The following RAP1GAP2 variants were observed in gnomAD, a reference collection of about 807,000 sequenced individuals.
RAP1GAP2 encodes the protein rap1 GTPase-activating protein 2.
In RAP1GAP2, 27 loss-of-function variants were observed where a neutral mutation model predicts 95.0. The observed-to-expected ratio is 0.28, with a 90% CI of 0.21 to 0.39. The LOEUF is 0.39. Among genes scored for constraint, RAP1GAP2 ranks in the 10% least tolerant of loss-of-function variants. The pLI, the probability that RAP1GAP2 is intolerant of heterozygous loss-of-function variation, is 1.00. For missense variants in RAP1GAP2, 771 were observed against 970.0 expected, an observed-to-expected ratio of 0.79 and a Z score of 2.72; for synonymous variants, 373 against 380.9, an observed-to-expected ratio of 0.98 and a Z score of 0.24.
intron 3 of RAP1GAP2, among the ~76,000 whole-genome samples, chr17:2,922,834 T>G (rs866686199): frequency 0.054 from 7,265 of 135,230 alleles, 604 homozygotes; most frequent in African/African-American, 0.2. Context: ...TTGTTTTTGT[T>G]TTTTTTTTTT....
chr17:2,894,028 CA>C (rs1597537925), intron 2 of RAP1GAP2, among the ~76,000 whole-genome samples: 1 of 152,320 alleles, frequency 6.6e-6, no homozygotes, highest in East Asian at 1.9e-4. Context: ...GTGATCCCAG[CA>C]CTTTGGGAGG....
At chr17:2,989,436 G>A (rs11868142) in intron 11 of RAP1GAP2, among the ~76,000 whole-genome samples, 16,656 of 151,958 alleles carry the variant, frequency 0.11, 1,255 homozygotes, top group Non-Finnish European at 0.17. Context: ...GGGTTCCAGC[G>A]ATTCTCCCAC....
At chr17:2,988,711 G>C (rs1341152100) in intron 11 of RAP1GAP2, among the ~76,000 whole-genome samples, 3 of 152,150 alleles carry the variant, frequency 2.0e-5, no homozygotes, top group Non-Finnish European at 4.4e-5. Context: ...ATTTCTCTGG[G>C]ATACATGCTT....
chr17:2,882,933 T>G (rs936651665), intron 2 of RAP1GAP2, among the ~76,000 whole-genome samples: 1 of 152,222 alleles, frequency 6.6e-6, no homozygotes, highest in African/African-American at 2.4e-5. Flanking sequence ...GGAATGAATG[T>G]CAGATCCCCA....
At chr17:2,854,153 A>G (rs770900664) in intron 2 of RAP1GAP2, 25 of 984,966 alleles carry the variant, frequency 2.5e-5, no homozygotes, top group Non-Finnish European at 2.9e-5. Flanking sequence ...GCTGCATGCC[A>G]GTTTTCTTTG....
chr17:2,868,509 AG>A (rs2072709752), intron 2 of RAP1GAP2, among the ~76,000 whole-genome samples: 1 of 140,406 alleles, frequency 7.1e-6, no homozygotes, highest in South Asian at 2.2e-4. Context: ...TTCCTCTACC[AG>A]GTGCAATTTT....
At chr17:2,766,656 C>T (rs1017496898) in intron 1 of RAP1GAP2, among the ~76,000 whole-genome samples, 12 of 151,964 alleles carry the variant, frequency 7.9e-5, no homozygotes, top group African/African-American at 2.2e-4. Flanking sequence ...TGTCTGTATA[C>T]GAAGATGCAT....
rs1242735434 is a variant in RAP1GAP2 at position 3,008,524 on chromosome 17, A to T, written c.1494+379A>T. Among the ~76,000 whole-genome samples, 2 of 152,136 alleles carry T rather than the reference A, an allele frequency of 1.3e-5. No homozygotes were observed. The highest frequency in any genetic ancestry group is 2.9e-5 in the Non-Finnish European group (2 of 68,020). ...CCAGGGCAGAATGGCAGGAGCGAGG[A>T]CCACAGCCCTTACGGGTCTTCGTAG... On this transcript the variant is annotated intron_variant, in intron 17 of 24. Coordinates refer to ENST00000254695, the MANE Select transcript of RAP1GAP2 (RefSeq NM_015085.5). The surrounding 1 kb of genome is among the most constrained non-coding windows in gnomAD (Gnocchi z 4.2).
At chr17:2,947,490 C>T (rs922983156) in intron 3 of RAP1GAP2, among the ~76,000 whole-genome samples, 10 of 152,338 alleles carry the variant, frequency 6.6e-5, no homozygotes, top group African/African-American at 2.4e-4. Flanking sequence ...GCCCTCACCG[C>T]TTGCTTCGTT....
chr17:3,015,367 T>C (rs1448492830), intron 17 of RAP1GAP2, among the ~76,000 whole-genome samples: 1 of 152,132 alleles, frequency 6.6e-6, no homozygotes, highest in Non-Finnish European at 1.5e-5. Context: ...CTGCATCCCT[T>C]GTCAGGATAG....
At chr17:2,981,362 A>G in intron 10 of RAP1GAP2, 114 bp downstream of exon 10, 1 of 977,286 alleles carries the variant, frequency 1.0e-6, no homozygotes. Context: ...GGGTCTCCAT[A>G]ATAAGCTTCC....
intron 4 of RAP1GAP2, among the ~76,000 whole-genome samples, chr17:2,961,322 C>A (rs564354181): frequency 2.0e-5 from 3 of 152,194 alleles, no homozygotes; most frequent in Non-Finnish European, 2.9e-5. Flanking sequence ...CGAGACCAGC[C>A]TGGCCAACAT....
chr17:2,912,950 G>A (rs563770022), intron 3 of RAP1GAP2, among the ~76,000 whole-genome samples: 5 of 152,294 alleles, frequency 3.3e-5, no homozygotes, highest in African/African-American at 9.6e-5. Context: ...GGCTGAGGCA[G>A]GAGGATCCCT....
chr17:2,937,222 T>C (rs1411130390), intron 3 of RAP1GAP2, among the ~76,000 whole-genome samples: 1 of 152,158 alleles, frequency 6.6e-6, no homozygotes, highest in Admixed American at 6.5e-5. Context: ...GTGATCTTCC[T>C]TGGTCTCCAG....
chr17:2,869,771 C>T (rs1187051450), intron 2 of RAP1GAP2, among the ~76,000 whole-genome samples: 1 of 152,258 alleles, frequency 6.6e-6, no homozygotes, highest in Non-Finnish European at 1.5e-5. Flanking sequence ...GCTCCCTTCT[C>T]ATCCTGACAT....
chr17:2,840,538 CT>C (rs1159053093), intron 2 of RAP1GAP2, among the ~76,000 whole-genome samples: 1 of 151,928 alleles, frequency 6.6e-6, no homozygotes, highest in Non-Finnish European at 1.5e-5. Flanking sequence ...TCTTTCTTTT[CT>C]TTTTTCGCTA....
chr17:2,996,285 G>A (rs962898715), intron 13 of RAP1GAP2, among the ~76,000 whole-genome samples: 1 of 152,258 alleles, frequency 6.6e-6, no homozygotes, highest in Non-Finnish European at 1.5e-5. Context: ...TCTGACAGCC[G>A]TGCATCCCTG....
At chr17:2,764,493 C>T (rs999823839) in intron 1 of RAP1GAP2, among the ~76,000 whole-genome samples, 5 of 151,762 alleles carry the variant, frequency 3.3e-5, no homozygotes, top group Admixed American at 1.3e-4. Context: ...GAAGCCGAGG[C>T]GGGTGGATCA....
At chr17:2,894,235 C>G (rs1410844028) in intron 2 of RAP1GAP2, among the ~76,000 whole-genome samples, 1 of 152,214 alleles carries the variant, frequency 6.6e-6, no homozygotes, top group Non-Finnish European at 1.5e-5. Context: ...TTGAGACCAG[C>G]TTGGCCAACA....
Sources: gnomAD v4.1 joint callset for allele counts (sites outside exome capture counted in the v4.1 genomes callset) on GRCh38, gnomAD v4.1.1 for gene constraint, Gnocchi (gnomAD v3.1) non-coding constraint, MANE v1.5 for transcripts, NCBI Gene and HGNC (gene_info 2026-07-23, HGNC 2026-07-21) for gene names.